Variants in TBX18 observed in about 807,000 individuals in gnomAD.
The protein encoded by TBX18 is T-box transcription factor 18, also known as T-box transcription factor TBX18.
Under a neutral mutation model 55.0 loss-of-function variants are expected in TBX18, and 21 were observed. The observed-to-expected ratio is 0.38, with a 90% CI of 0.27 to 0.55. The LOEUF is 0.55. Ranked by LOEUF, TBX18 falls within the 20% of genes least tolerant of loss-of-function variation. TBX18 has a pLI of 0.73. For missense variants in TBX18, 840 were observed against 799.6 expected (o/e 1.05, Z -0.61); for synonymous variants, 342 against 326.1 (o/e 1.05, Z -0.53).
intron 5 of TBX18, among the ~76,000 whole-genome samples, chr6:84,746,401 C>T (rs1767187929): frequency 6.8e-6 from 1 of 146,416 alleles, no homozygotes; most frequent in African/African-American, 2.5e-5. Flanking sequence ...TCATAATATA[C>T]TAAATATAAT....
At chr6:84,753,585 A>G (rs1447010617) in intron 4 of TBX18, among the ~76,000 whole-genome samples, 1 of 152,200 alleles carries the variant, frequency 6.6e-6, no homozygotes, top group Non-Finnish European at 1.5e-5. Flanking sequence ...TCAACTATGT[A>G]AGGGTAGAGG....
intron 1 of TBX18, chr6:84,763,450 T>C (rs1214123754): frequency 1.3e-5 from 6 of 462,720 alleles, no homozygotes; most frequent in African/African-American, 4.0e-5. Flanking sequence ...TTTCCAAATA[T>C]GCCGCCCTCT....
intron 4 of TBX18, among the ~76,000 whole-genome samples, chr6:84,749,330 T>C (rs1767278245): frequency 6.6e-6 from 1 of 152,224 alleles, no homozygotes; most frequent in Admixed American, 6.5e-5. Flanking sequence ...ATGTAGTGGT[T>C]GGCCTGCCTT....
In TBX18 at chr6:84,756,884, C is replaced by T. The variant is rs752644839; in HGVS notation, c.600-15G>A. Reference sequence around the variant, plus strand: ...GGTAAACATACCTAGAAGGCAATGACCAGGCGTTCAGTATACTGTTTTTAT... The same window carrying T: ...GGTAAACATACCTAGAAGGCAATGATCAGGCGTTCAGTATACTGTTTTTAT... On this transcript the variant is annotated splice_polypyrimidine_tract_variant and intron_variant, in intron 3 of 7. Coordinates refer to ENST00000369663, the MANE Select transcript of TBX18 (RefSeq NM_001080508.3). 4.3e-6 allele frequency: 7 copies of T among 1,612,904 alleles called. No homozygotes were observed. Among genetic ancestry groups the T allele is most frequent in the Non-Finnish European group, 5.1e-6 (6 of 1,179,200 alleles).
chr6:84,763,576 C>T (rs1767719961), intron 1 of TBX18: 8 of 622,166 alleles, frequency 1.3e-5, no homozygotes, highest in Non-Finnish European at 2.1e-5. Flanking sequence ...AAAGAGCACC[C>T]ATTGGCTGGA....
intron 5 of TBX18, among the ~76,000 whole-genome samples, chr6:84,746,225 T>TGA (rs1267144967): frequency 6.6e-6 from 1 of 151,868 alleles, no homozygotes; most frequent in Non-Finnish European, 1.5e-5. Flanking sequence ...AATTTGTGTG[T>TGA]GAGAGAGAGA....
intron 1 of TBX18, chr6:84,763,604 T>C (rs746565232): frequency 1.9e-5 from 12 of 645,820 alleles, no homozygotes; most frequent in Middle Eastern, 4.1e-4. Flanking sequence ...GGGAGGCAGA[T>C]GCAGGAAGCA....
chr6:84,757,947 C>G (rs1259842076), intron 3 of TBX18, among the ~76,000 whole-genome samples: 1 of 152,130 alleles, frequency 6.6e-6, no homozygotes, highest in Non-Finnish European at 1.5e-5. Flanking sequence ...GTTATATACA[C>G]ATTTCTTTTT....
chr6:84,748,293 G>T (rs998136654), intron 4 of TBX18, among the ~76,000 whole-genome samples: 2 of 152,092 alleles, frequency 1.3e-5, no homozygotes, highest in Non-Finnish European at 2.9e-5. Context: ...AAAATAAAAA[G>T]CACTATTTTA....
intron 5 of TBX18, among the ~76,000 whole-genome samples, chr6:84,746,657 T>G (rs1159771994): frequency 6.8e-6 from 1 of 147,332 alleles, no homozygotes; most frequent in African/African-American, 2.5e-5. Context: ...AATTATGTAC[T>G]ATATTACACA....
intron 6 of TBX18, among the ~76,000 whole-genome samples, chr6:84,739,127 C>T (rs1246470829): frequency 1.3e-5 from 2 of 152,084 alleles, no homozygotes; most frequent in African/African-American, 4.8e-5. Flanking sequence ...ACAATCTCTA[C>T]TACACCCAGT....
chr6:84,763,748 G>C (rs1394100509), intron 1 of TBX18, 142 bp downstream of exon 1: 1 of 1,411,774 alleles, frequency 7.1e-7, no homozygotes, highest in Non-Finnish European at 9.2e-7. Context: ...TGCGCGGCGA[G>C]CTTTGCGACT....
intron 5 of TBX18, among the ~76,000 whole-genome samples, chr6:84,745,306 G>T (rs989716722): frequency 3.9e-5 from 6 of 152,080 alleles, no homozygotes; most frequent in Admixed American, 6.6e-5. Context: ...CTTATTACCA[G>T]ATCTCCACTT....
At chr6:84,747,792 A>G in intron 5 of TBX18, 128 bp downstream of exon 5, 1 of 822,302 alleles carries the variant, frequency 1.2e-6, no homozygotes, top group Non-Finnish European at 1.8e-6. Flanking sequence ...ATTCATATAT[A>G]TACACTTTGA....
intron 4 of TBX18, among the ~76,000 whole-genome samples, chr6:84,749,487 CTT>C (rs5877913): frequency 1.8e-3 from 254 of 144,982 alleles, no homozygotes; most frequent in Non-Finnish European, 1.2e-3. Flanking sequence ...TTTTTTTTTT[CTT>C]TTTTTTTTTT....
At chr6:84,739,101 C>T (rs1323340224) in intron 6 of TBX18, among the ~76,000 whole-genome samples, 1 of 152,142 alleles carries the variant, frequency 6.6e-6, no homozygotes, top group Non-Finnish European at 1.5e-5. Context: ...AGAAGACTGA[C>T]TTCTCTCTCA....
chr6:84,761,697 A>C (rs1269628147), intron 2 of TBX18, among the ~76,000 whole-genome samples: 1 of 152,218 alleles, frequency 6.6e-6, no homozygotes, highest in African/African-American at 2.4e-5. Flanking sequence ...ATAAACTGAA[A>C]ACTTTAAAAT....
At chr6:84,755,154 T>A (rs1378724812) in intron 4 of TBX18, among the ~76,000 whole-genome samples, 1 of 152,142 alleles carries the variant, frequency 6.6e-6, no homozygotes, top group Non-Finnish European at 1.5e-5. Context: ...TAGATCTATA[T>A]CTAATATTTA....
chr6:84,763,069 G>A, intron 1 of TBX18: 1 of 458,144 alleles, frequency 2.2e-6, no homozygotes, highest in South Asian at 2.2e-5. Context: ...TCACGCCGCC[G>A]CCGGGGTCTG....
Sources: allele counts gnomAD v4.1 joint callset (sites outside exome capture counted in the v4.1 genomes callset), GRCh38; gene constraint gnomAD v4.1.1; transcripts MANE v1.5; gene names NCBI Gene and HGNC (gene_info 2026-07-23, HGNC 2026-07-21).